Variants in ARHGAP10 observed in about 807,000 individuals in gnomAD.
ARHGAP10 encodes Rho GTPase activating protein 10.
Under a neutral mutation model 108.6 loss-of-function variants are expected in ARHGAP10, and 87 were observed. That is an observed-to-expected ratio of 0.80 (90% CI 0.67 to 0.96). The LOEUF (loss-of-function observed/expected upper bound fraction) is 0.96, where lower values mean the gene tolerates loss of function less well. Ranked by LOEUF, ARHGAP10 falls within the 40% of genes least tolerant of loss-of-function variation. ARHGAP10 has a pLI of 0.00. For synonymous variants in ARHGAP10, 347 were observed against 341.1 expected, an observed-to-expected ratio of 1.02 and a Z score of -0.19; for missense variants, 939 against 954.5, an observed-to-expected ratio of 0.98 and a Z score of 0.21.
At chr4:147,765,756 C>T (rs1485681091) in intron 1 of ARHGAP10, among the ~76,000 whole-genome samples, 1 of 152,196 alleles carries the variant, frequency 6.6e-6, no homozygotes, top group Non-Finnish European at 1.5e-5. Context: ...GCCATGATTG[C>T]ACAACTGCAC....
At chr4:147,886,341 T>C (rs1735559501) in intron 10 of ARHGAP10, among the ~76,000 whole-genome samples, 1 of 152,216 alleles carries the variant, frequency 6.6e-6, no homozygotes, top group African/African-American at 2.4e-5. Flanking sequence ...TCAGTGACCT[T>C]GTTCTTTACC....
intron 1 of ARHGAP10, among the ~76,000 whole-genome samples, chr4:147,734,867 C>G (rs1318773839): frequency 1.3e-5 from 2 of 151,986 alleles, no homozygotes; most frequent in African/African-American, 4.8e-5. Context: ...AGAATAAAAC[C>G]CACTAGGTCA....
chr4:147,857,550 T>TA lies in ARHGAP10; in HGVS notation c.385-2dup. The TA allele has an allele frequency of 6.8e-7, 1 of 1,461,566 alleles. No homozygotes were observed. The highest frequency in any genetic ancestry group is 2.6e-5 in the East Asian group (1 of 38,604). 90.5% of individuals were successfully genotyped at this position (1,461,566 alleles called of 1,614,324 possible). On this transcript the variant is annotated splice_region_variant and splice_polypyrimidine_tract_variant and intron_variant, in intron 4 of 22. Transcript: ENST00000336498. Reference sequence around the variant, plus strand: ...TTAATCATAGTTTTTTTTTTATTTGTAGGAAGAAAAAAAGAAGTTTGACAA... The same window carrying TA: ...TTAATCATAGTTTTTTTTTTATTTGTAAGGAAGAAAAAAAGAAGTTTGACAA...
rs749970732 is a variant in ARHGAP10, at chr4:147,965,154, A to G, written c.1556+25A>G. Reference sequence around the variant, plus strand: ...AGTAAGCCTCTTTTTCTTCGTTTTAACTTTCTTCACTTTGCTCTAGGTGCT... The same window carrying G: ...AGTAAGCCTCTTTTTCTTCGTTTTAGCTTTCTTCACTTTGCTCTAGGTGCT... On this transcript the variant is annotated intron_variant, in intron 17 of 22. Coordinates refer to ENST00000336498, the MANE Select transcript of ARHGAP10 (RefSeq NM_024605.4). 17 of 1,559,188 alleles carry G rather than the reference A, an allele frequency of 1.1e-5. No individual in the cohort carries two copies. The South Asian group carries it at 2.0e-4, about 18-fold the overall frequency.
intron 1 of ARHGAP10, among the ~76,000 whole-genome samples, chr4:147,798,754 T>C (rs1483832132): frequency 9.2e-5 from 1 of 10,912 alleles, no homozygotes; most frequent in African/African-American, 1.3e-4. Flanking sequence ...TCTCTCTCTC[T>C]CTCTCTCTCT....
intron 18 of ARHGAP10, among the ~76,000 whole-genome samples, chr4:147,999,561 G>T (rs1238952451): frequency 6.6e-6 from 1 of 152,200 alleles, no homozygotes; most frequent in Admixed American, 6.5e-5. Context: ...CAGGTTAAAG[G>T]CTTGCCATTG....
At chr4:147,770,129 A>G (rs1002826946) in intron 1 of ARHGAP10, among the ~76,000 whole-genome samples, 1 of 152,184 alleles carries the variant, frequency 6.6e-6, no homozygotes, top group African/African-American at 2.4e-5. Context: ...CAGGTGACAC[A>G]TGGGCCTTAG....
intron 1 of ARHGAP10, among the ~76,000 whole-genome samples, chr4:147,751,935 G>C (rs140751490): frequency 8.7e-5 from 13 of 149,714 alleles, no homozygotes; most frequent in African/African-American, 3.2e-4. Context: ...CATCAGGTTG[G>C]AGTGCAGTGG....
intron 1 of ARHGAP10, among the ~76,000 whole-genome samples, chr4:147,745,732 C>G (rs897237529): frequency 2.0e-5 from 3 of 151,308 alleles, no homozygotes; most frequent in Non-Finnish European, 4.4e-5. Flanking sequence ...ACCTCTTGAT[C>G]TGCCCGCCTC....
chr4:147,922,642 C>G (rs1361949311), intron 13 of ARHGAP10, among the ~76,000 whole-genome samples: 51 of 147,408 alleles, frequency 3.5e-4, no homozygotes, highest in African/African-American at 1.1e-3. Flanking sequence ...GAGCCGAGAT[C>G]CCGCCACTGC....
At chr4:147,858,849 C>T (rs1263914712) in intron 5 of ARHGAP10, among the ~76,000 whole-genome samples, 1 of 152,238 alleles carries the variant, frequency 6.6e-6, no homozygotes, top group African/African-American at 2.4e-5. Context: ...TTCACTTTCT[C>T]ATTAGGTATT....
In ARHGAP10 at chr4:147,960,150, A is replaced by G. The variant is rs1159152745; in HGVS notation, c.1450+4776A>G. Among the ~76,000 whole-genome samples, 18 of 152,202 alleles carry G rather than the reference A, an allele frequency of 1.2e-4. No individual in the cohort carries two copies. In the East Asian group the frequency reaches 3.5e-3, roughly 29 times the overall value. ...ATTAGTATCTTGTTTTTTATACCAG[A>G]TTAAGAACTGGATTATAATTTATTA... On this transcript the variant is annotated intron_variant, in intron 16 of 22. Coordinates refer to ENST00000336498, the MANE Select transcript of ARHGAP10 (RefSeq NM_024605.4).
intron 20 of ARHGAP10, among the ~76,000 whole-genome samples, chr4:148,055,177 G>A (rs918084251): frequency 6.6e-6 from 1 of 152,156 alleles, no homozygotes; most frequent in Admixed American, 6.5e-5. Context: ...GCAAAACCAA[G>A]AACTTTTGCT....
At chr4:148,050,529 A>G (rs1729088347) in intron 20 of ARHGAP10, among the ~76,000 whole-genome samples, 1 of 151,192 alleles carries the variant, frequency 6.6e-6, no homozygotes, top group Non-Finnish European at 1.5e-5. Flanking sequence ...GCCCACCACC[A>G]CGCCTGGCTA....
At chr4:147,794,735 G>A (rs774311725) in intron 1 of ARHGAP10, among the ~76,000 whole-genome samples, 1 of 152,158 alleles carries the variant, frequency 6.6e-6, no homozygotes, top group Non-Finnish European at 1.5e-5. Flanking sequence ...TTACAGATGA[G>A]GAATGTTGAG....
At chr4:147,764,813 G>T (rs1284102128) in intron 1 of ARHGAP10, among the ~76,000 whole-genome samples, 1 of 152,220 alleles carries the variant, frequency 6.6e-6, no homozygotes, top group Non-Finnish European at 1.5e-5. Context: ...GGGATTAGAG[G>T]CATGAGCCAC....
chr4:148,007,623 C>T (rs1314775384), intron 18 of ARHGAP10, among the ~76,000 whole-genome samples: 1 of 152,206 alleles, frequency 6.6e-6, no homozygotes, highest in Non-Finnish European at 1.5e-5. Flanking sequence ...ACTTTGCTGA[C>T]ACAGAACTCG....
intron 1 of ARHGAP10, among the ~76,000 whole-genome samples, chr4:147,766,821 TA>T (rs1560746915): frequency 0.012 from 173 of 14,352 alleles, 3 homozygotes; most frequent in Admixed American, 0.028. Context: ...TATATATATA[TA>T]TATATATATA....
At chr4:147,770,393 T>G (rs1361572971) in intron 1 of ARHGAP10, among the ~76,000 whole-genome samples, 2 of 152,074 alleles carry the variant, frequency 1.3e-5, no homozygotes, top group Non-Finnish European at 2.9e-5. Context: ...GGCATGGTGG[T>G]GGGCGCCTGT....
Sources: gnomAD v4.1 joint callset for allele counts (sites outside exome capture counted in the v4.1 genomes callset) on GRCh38, gnomAD v4.1.1 for gene constraint, MANE v1.5 for transcripts, NCBI Gene and HGNC (gene_info 2026-07-23, HGNC 2026-07-21) for gene names.